Variants in DHRSX observed in about 807,000 individuals in gnomAD.
DHRSX encodes polyprenol dehydrogenase.
A neutral mutation model predicts 34.0 loss-of-function variants in DHRSX; 31 were observed. That is an observed-to-expected ratio of 0.91 (90% CI 0.69 to 1.23). The LOEUF (loss-of-function observed/expected upper bound fraction) is 1.23, where lower values mean the gene tolerates loss of function less well. DHRSX is among the 50% of genes most tolerant of loss of function. The probability of loss-of-function intolerance (pLI) is 0.00; values close to 1 mark genes in which losing one functional copy is unlikely to be tolerated. For synonymous variants in DHRSX, 201 were observed against 183.8 expected, an observed-to-expected ratio of 1.09 and a Z score of -0.76; for missense variants, 414 against 428.1, an observed-to-expected ratio of 0.97 and a Z score of 0.29.
intron 1 of DHRSX, among the ~76,000 whole-genome samples, chrX:2,437,671 CAGAGAGAG>C (rs1208680585): frequency 2.2e-4 from 32 of 143,082 alleles, no homozygotes; most frequent in African/African-American, 7.8e-4. Flanking sequence ...CTAAGAGAGA[CAGAGAGAG>C]AGAGAGAGAG....
At chrX:2,412,761 C>T (rs1015578688) in intron 2 of DHRSX, among the ~76,000 whole-genome samples, 3 of 152,090 alleles carry the variant, frequency 2.0e-5, no homozygotes, top group Non-Finnish European at 4.4e-5. Context: ...TCTTTGAAAA[C>T]CAGAGGACCC....
intron 5 of DHRSX, among the ~76,000 whole-genome samples, chrX:2,263,247 G>A (rs1355374876): frequency 1.3e-5 from 2 of 152,188 alleles, no homozygotes; most frequent in Non-Finnish European, 2.9e-5. Flanking sequence ...GTGAGATGGT[G>A]TTAGGAGGTG....
chrX:2,249,337 C>T (rs762168243), intron 5 of DHRSX, among the ~76,000 whole-genome samples: 1 of 150,484 alleles, frequency 6.6e-6, no homozygotes, highest in East Asian at 1.9e-4. Flanking sequence ...GGACTACAGG[C>T]ACCTGCCACC....
chrX:2,312,542 G>A (rs1425025952), intron 3 of DHRSX, among the ~76,000 whole-genome samples: 4 of 151,912 alleles, frequency 2.6e-5, no homozygotes, highest in African/African-American at 9.7e-5. Flanking sequence ...CATGGACACA[G>A]GGAGGGGAAC....
chrX:2,442,700 A>G (rs5939127), intron 1 of DHRSX, among the ~76,000 whole-genome samples: 143,155 of 152,134 alleles, frequency 0.94, 67,556 homozygotes, highest in East Asian at 1. Flanking sequence ...ACCCCAGGAA[A>G]TGTAATCAAG....
intron 1 of DHRSX, among the ~76,000 whole-genome samples, chrX:2,447,563 T>C (rs2044154430): frequency 6.6e-6 from 1 of 151,992 alleles, no homozygotes; most frequent in African/African-American, 2.4e-5. Flanking sequence ...AATCAGCCCA[T>C]CAACGGGATA....
At position 2,253,428 on chromosome X, in the gene DHRSX, G is replaced by A. The variant is rs1286462594; in HGVS notation, c.597-10198C>T. 8.6e-5 allele frequency among the ~76,000 whole-genome samples: 13 copies of A among 151,796 alleles called. No individual in the cohort carries two copies. The South Asian group carries it at 1.5e-3, about 17-fold the overall frequency. ...GCCTAGGAGGCGGACATGGCCGTGA[G>A]CCAAGATGTCGCGGCCGCACTGCAG... On this transcript the variant is annotated intron_variant, in intron 5 of 6. Transcript: ENST00000334651.
Position 2,469,324 on chromosome X carries a change from G to T in DHRSX, c.109+31493C>A, listed in dbSNP as rs767686000. On this transcript the variant is annotated intron_variant, in intron 1 of 6. Transcript: ENST00000334651. ...TCCCTAAGAATGTGGATAAGGGACC[G>T]CCGCCATGTACACACTGAAGACGTT... Among the ~76,000 whole-genome samples, 9 of 138,182 alleles carry T rather than the reference G, an allele frequency of 6.5e-5. No homozygotes were observed. The South Asian group carries it at 2.2e-3, about 33-fold the overall frequency. The allele number at this position is 138,182 out of a possible 152,430, so 90.7% of individuals were successfully genotyped here. A position where few individuals can be genotyped will look rare whatever the true frequency, so the allele number is the denominator to read the frequency against.
rs3813162 is a variant in DHRSX, at chrX:2,489,166, G to A, written c.109+11651C>T. 8.1e-3 allele frequency: 13,033 copies of A among 1,613,588 alleles called. 344 individuals are homozygous for A. Among genetic ancestry groups the A allele is most frequent in the East Asian group, 0.066 (2,954 of 44,882 alleles). On this transcript the variant is annotated intron_variant, in intron 1 of 6. Coordinates refer to ENST00000334651, the MANE Select transcript of DHRSX (RefSeq NM_145177.3). ...GCTCCTCGGGCACCGGGAAGATCTT[G>A]TCCTCAGCCGGCCGGTAGCCGCCGT...
intron 3 of DHRSX, among the ~76,000 whole-genome samples, chrX:2,386,403 G>C (rs1035934175): frequency 7.2e-4 from 109 of 152,130 alleles, no homozygotes; most frequent in Middle Eastern, 3.4e-3. Flanking sequence ...ATTTTTAGTA[G>C]AGACAGGGTT....
intron 5 of DHRSX, among the ~76,000 whole-genome samples, chrX:2,262,242 C>T (rs1263057753): frequency 6.6e-6 from 1 of 152,206 alleles, no homozygotes; most frequent in Admixed American, 6.5e-5. Flanking sequence ...GAGCCCTGAG[C>T]TGAGAAGAAG....
intron 1 of DHRSX, among the ~76,000 whole-genome samples, chrX:2,480,957 T>G (rs751824030): frequency 7.9e-4 from 121 of 152,306 alleles, no homozygotes; most frequent in African/African-American, 2.7e-3. Context: ...ATTTTACACA[T>G]TCTCACCACA....
At chrX:2,259,749 AC>A (rs2041337805) in intron 5 of DHRSX, among the ~76,000 whole-genome samples, 1 of 151,358 alleles carries the variant, frequency 6.6e-6, no homozygotes, top group South Asian at 2.1e-4. Context: ...GGAGTCCCTG[AC>A]CCCGTGGTCA....
chrX:2,248,628 A>AAAAAAAAAAAAAAAG (rs1556433590), intron 5 of DHRSX, among the ~76,000 whole-genome samples: 1 of 104,292 alleles, frequency 9.6e-6, no homozygotes, highest in African/African-American at 4.5e-5. Context: ...AAAAAAAAAG[A>AAAAAAAAAAAAAAAG]AAAAGAAAAG....
intron 3 of DHRSX, among the ~76,000 whole-genome samples, chrX:2,330,131 A>T: frequency 8.8e-6 from 1 of 113,268 alleles, no homozygotes; most frequent in African/African-American, 3.4e-5. Context: ...AGACAGAGAG[A>T]AAGGAAGGAG....
intron 3 of DHRSX, among the ~76,000 whole-genome samples, chrX:2,380,583 C>A (rs1232530327): frequency 6.6e-6 from 1 of 151,914 alleles, no homozygotes; most frequent in Non-Finnish European, 1.5e-5. Flanking sequence ...ATTGTAATTC[C>A]CAGCGTTGAG....
chrX:2,252,000 G>T (rs62595487), intron 5 of DHRSX, among the ~76,000 whole-genome samples: 107,801 of 151,814 alleles, frequency 0.71, 39,605 homozygotes, highest in African/African-American at 0.8. Flanking sequence ...CACTTTGGGA[G>T]GCTGAGGTGG....
intron 4 of DHRSX, among the ~76,000 whole-genome samples, chrX:2,267,251 G>A (rs1411853459): frequency 6.6e-6 from 1 of 152,156 alleles, no homozygotes; most frequent in African/African-American, 2.4e-5. Context: ...GGAGGCTGAG[G>A]CGGGTGGATC....
At chrX:2,373,083 GA>G (rs1419726037) in intron 3 of DHRSX, among the ~76,000 whole-genome samples, 1 of 152,214 alleles carries the variant, frequency 6.6e-6, no homozygotes, top group Non-Finnish European at 1.5e-5. Flanking sequence ...CACGACGGAA[GA>G]CGAAAACCAT....
Sources: gnomAD v4.1 joint callset for allele counts (sites outside exome capture counted in the v4.1 genomes callset) on GRCh38, gnomAD v4.1.1 for gene constraint, MANE v1.5 for transcripts, NCBI Gene and HGNC (gene_info 2026-07-23, HGNC 2026-07-21) for gene names.